The following RBM20 variants were observed in gnomAD, a reference collection of about 807,000 sequenced individuals.
RBM20 encodes RNA binding motif protein 20.
In RBM20, 51 loss-of-function variants were observed where a neutral mutation model predicts 110.1. The ratio of observed to expected loss-of-function variants is 0.46; its 90% CI spans 0.37 to 0.59. The LOEUF is 0.59. Among genes scored for constraint, RBM20 ranks in the 20% least tolerant of loss-of-function variants. The probability of loss-of-function intolerance (pLI) is 0.00; values close to 1 mark genes in which losing one functional copy is unlikely to be tolerated. For missense variants in RBM20, 1,512 were observed against 1,574.9 expected (o/e 0.96, Z 0.68); for synonymous variants, 589 against 618.2 (o/e 0.95, Z 0.70).
chr10:110,666,523 G>A (rs918817294), intron 1 of RBM20, among the ~76,000 whole-genome samples: 1 of 152,186 alleles, frequency 6.6e-6, no homozygotes, highest in African/African-American at 2.4e-5. Flanking sequence ...GTACATGCCT[G>A]TAGCCCCAGC....
intron 1 of RBM20, among the ~76,000 whole-genome samples, chr10:110,780,274 A>G (rs996281235): frequency 6.6e-6 from 1 of 152,186 alleles, no homozygotes; most frequent in African/African-American, 2.4e-5. Context: ...ATTGTTGGAT[A>G]TTTGTAATTT....
In RBM20 at chr10:110,821,568, A is replaced by G; in HGVS notation, c.2949A>G (p.Glu983=). ...AAATCAGCCTCAAGTCACCCAGAGA[A>G]CTGCCCTCTGCTTCCACAAGCTGTC... ...AAEISLKSPR[E]LPSASTSCPS... The change falls in exon 11 of 14, where the codon GAA becomes GAG. Residue 983 remains glutamate (E), a synonymous_variant. Coordinates refer to ENST00000369519, the MANE Select transcript of RBM20 (RefSeq NM_001134363.3). 3 of 1,551,002 alleles carry G rather than the reference A, an allele frequency of 1.9e-6. No individual in the cohort carries two copies. Among genetic ancestry groups the G allele is most frequent in the Non-Finnish European group, 2.6e-6 (3 of 1,146,180 alleles).
Position 110,745,762 on chromosome 10 carries a change from G to A in RBM20, c.192-35039G>A, listed in dbSNP as rs1175604949. On this transcript the variant is annotated intron_variant, in intron 1 of 13. Coordinates refer to ENST00000369519, the MANE Select transcript of RBM20 (RefSeq NM_001134363.3). The stretch of plus-strand genomic sequence containing the variant: ...GATGAATGAATGCGTGATAACATGT[G>A]AGGAGGGCTGAAAATGCAAAGGAAA... Among the ~76,000 whole-genome samples, 3 of 152,130 alleles carry A rather than the reference G, an allele frequency of 2.0e-5. No homozygotes were observed. The East Asian group carries it at 5.8e-4, about 29-fold the overall frequency.
intron 5 of RBM20, among the ~76,000 whole-genome samples, chr10:110,796,230 G>C (rs545476885): frequency 6.6e-6 from 1 of 152,282 alleles, no homozygotes; most frequent in African/African-American, 2.4e-5. Flanking sequence ...AGCATTGACA[G>C]GTTGATATAT....
chr10:110,809,211 C>T (rs1167149690), intron 7 of RBM20, among the ~76,000 whole-genome samples: 3 of 12,448 alleles, frequency 2.4e-4, no homozygotes, highest in East Asian at 6.3e-3. Flanking sequence ...AGCAAGACCC[C>T]GTTTCTTAAA....
At chr10:110,729,965 G>A (rs1211265239) in intron 1 of RBM20, among the ~76,000 whole-genome samples, 6 of 152,256 alleles carry the variant, frequency 3.9e-5, no homozygotes, top group East Asian at 3.9e-4. Flanking sequence ...ACAGGCATGC[G>A]CCACCATGCC....
At chr10:110,741,561 A>G (rs1162306734) in intron 1 of RBM20, among the ~76,000 whole-genome samples, 1 of 151,946 alleles carries the variant, frequency 6.6e-6, no homozygotes, top group African/African-American at 2.4e-5. Context: ...ATGTCCACTC[A>G]CCAAGTTCTG....
At chr10:110,659,736 T>TTTCCTC (rs1350824332) in intron 1 of RBM20, among the ~76,000 whole-genome samples, 1 of 152,004 alleles carries the variant, frequency 6.6e-6, no homozygotes, top group Non-Finnish European at 1.5e-5. Flanking sequence ...TTTTCTTTCC[T>TTTCCTC]TTCCTCTTCC....
At chr10:110,764,191 T>G (rs1183610272) in intron 1 of RBM20, among the ~76,000 whole-genome samples, 5 of 152,198 alleles carry the variant, frequency 3.3e-5, no homozygotes, top group Admixed American at 3.3e-4. Context: ...GGTTGTCTGA[T>G]GTAGCTGGAT....
intron 1 of RBM20, among the ~76,000 whole-genome samples, chr10:110,698,841 G>C (rs1221516706): frequency 6.6e-6 from 1 of 152,196 alleles, no homozygotes; most frequent in Non-Finnish European, 1.5e-5. Flanking sequence ...TGACCTTTCA[G>C]TGGTATATGC....
rs1010554824 is a variant in RBM20 at position 110,837,494 on chromosome 10, C to G, written c.*1516C>G. The G allele has an allele frequency of 1.3e-5, 2 of 152,214 alleles. No homozygotes were observed. The highest frequency in any genetic ancestry group is 2.4e-5 in the African/African-American group (1 of 41,436). 9.4% of individuals were successfully genotyped at this position (152,214 alleles called of 1,614,324 possible). A position where few individuals can be genotyped will look rare whatever the true frequency, so the allele number is the denominator to read the frequency against. On this transcript the variant is annotated 3_prime_UTR_variant, in exon 14 of 14. Transcript: ENST00000369519. ...AAACAAGGAAGACAGGTCACTCTCC[C>G]CTAGGCAGTTCCTGTTGTTTCTGTT...
At chr10:110,810,288 T>C in intron 7 of RBM20, 95 bp from the exon 8 acceptor site, 1 of 868,852 alleles carries the variant, frequency 1.2e-6, no homozygotes, top group African/African-American at 1.7e-5. Flanking sequence ...TCCCTTTTGG[T>C]GGACCAGGCA....
chr10:110,735,127 G>A (rs1186209012), intron 1 of RBM20, among the ~76,000 whole-genome samples: 1 of 152,206 alleles, frequency 6.6e-6, no homozygotes, highest in Non-Finnish European at 1.5e-5. Context: ...CAAAGCATAA[G>A]AGTAGTGATG....
At chr10:110,673,498 C>T (rs1002142005) in intron 1 of RBM20, among the ~76,000 whole-genome samples, 1 of 152,236 alleles carries the variant, frequency 6.6e-6, no homozygotes, top group African/African-American at 2.4e-5. Context: ...GCGTGAGCCA[C>T]CATGCCCAGC....
At chr10:110,745,788 A>C (rs182343099) in intron 1 of RBM20, among the ~76,000 whole-genome samples, 1 of 152,324 alleles carries the variant, frequency 6.6e-6, no homozygotes, top group Admixed American at 6.5e-5. Context: ...GCAAAGGAAA[A>C]TCAAAGTATG....
intron 5 of RBM20, among the ~76,000 whole-genome samples, chr10:110,793,928 T>C (rs546463107): frequency 6.6e-6 from 1 of 152,340 alleles, no homozygotes; most frequent in Admixed American, 6.5e-5. Context: ...GTGGTATTAT[T>C]ACCTTTGAAG....
chr10:110,661,907 A>G (rs770758852), intron 1 of RBM20, among the ~76,000 whole-genome samples: 1 of 151,926 alleles, frequency 6.6e-6, no homozygotes. Context: ...GCTACTTGGG[A>G]GGCTGAGGCA....
intron 1 of RBM20, among the ~76,000 whole-genome samples, chr10:110,675,887 C>T (rs1015307339): frequency 6.6e-6 from 1 of 152,168 alleles, no homozygotes; most frequent in Non-Finnish European, 1.5e-5. Flanking sequence ...GAATGCCTAG[C>T]AGAGAGTAAG....
At chr10:110,784,007 G>C (rs979459052) in intron 3 of RBM20, among the ~76,000 whole-genome samples, 2 of 152,142 alleles carry the variant, frequency 1.3e-5, no homozygotes, top group Non-Finnish European at 2.9e-5. Flanking sequence ...GTGGCCTTTG[G>C]TGACTGGCTT....
Sources: allele counts gnomAD v4.1 joint callset (sites outside exome capture counted in the v4.1 genomes callset), GRCh38; gene constraint gnomAD v4.1.1; transcripts MANE v1.5; gene names NCBI Gene and HGNC (gene_info 2026-07-23, HGNC 2026-07-21).